PXDNL: variants seen among roughly 807,000 people sequenced by gnomAD.
The protein encoded by PXDNL is probable oxidoreductase PXDNL.
In PXDNL, 145 loss-of-function variants were observed where a neutral mutation model predicts 150.8. The ratio of observed to expected loss-of-function variants is 0.96; its 90% CI spans 0.84 to 1.10. PXDNL has a LOEUF of 1.10. Ranked by LOEUF, PXDNL falls within the 50% of genes least tolerant of loss-of-function variation. PXDNL has a pLI of 0.00. For missense variants in PXDNL, 2,087 were observed against 1,873.9 expected (o/e 1.11, Z -2.10); for synonymous variants, 757 against 725.7 (o/e 1.04, Z -0.69).
intron 21 of PXDNL, among the ~76,000 whole-genome samples, chr8:51,321,613 C>G (rs982792937): frequency 2.6e-5 from 4 of 151,904 alleles, no homozygotes; most frequent in African/African-American, 9.7e-5. Context: ...TGTGGCAGTT[C>G]CTCCCCCATT....
chr8:51,443,028 A>G (rs1398260817), intron 12 of PXDNL, among the ~76,000 whole-genome samples: 1 of 152,154 alleles, frequency 6.6e-6, no homozygotes, highest in African/African-American at 2.4e-5. Context: ...CACGTGGAAT[A>G]ATTAACAACC....
chr8:51,342,623 G>A (rs370980625), intron 20 of PXDNL, among the ~76,000 whole-genome samples: 2 of 152,128 alleles, frequency 1.3e-5, no homozygotes, highest in African/African-American at 4.8e-5. Flanking sequence ...CCCTCTGCCT[G>A]GGAGCAGAGC....
At position 51,409,451 on chromosome 8, in the gene PXDNL, C is replaced by T. The variant is rs369143018; in HGVS notation, c.2173G>A (p.Ala725Thr). The T allele has an allele frequency of 2.4e-5, 39 of 1,612,716 alleles. No individual in the cohort carries two copies. The highest frequency in any genetic ancestry group is 3.3e-4 in the Middle Eastern group (2 of 6,060). Residue 725 changes from alanine to threonine, a missense_variant, in exon 17 of 23, where the codon GCG becomes ACG. Ala to Thr is a moderately conservative substitution (Grantham distance 58, BLOSUM62 0). Transcript: ENST00000356297. ...LPNCSNRCFH[A>T]KYRAHDGTCN... ...GTGCCGTCGTGGGCGCGGTACTTCG[C>T]ATGGAAACACCGGTTGGAGCAGTTT...
intron 8 of PXDNL, among the ~76,000 whole-genome samples, chr8:51,467,102 A>G (rs1457595993): frequency 6.6e-6 from 1 of 152,180 alleles, no homozygotes; most frequent in Non-Finnish European, 1.5e-5. Context: ...TGTTAATTAC[A>G]GCACCGTTAG....
At chr8:51,731,931 G>C (rs1816942053) in intron 1 of PXDNL, among the ~76,000 whole-genome samples, 1 of 152,196 alleles carries the variant, frequency 6.6e-6, no homozygotes. Context: ...TGTGATGGGA[G>C]GGGCTGCTGT....
intron 1 of PXDNL, among the ~76,000 whole-genome samples, chr8:51,734,440 T>C (rs893742594): frequency 2.0e-4 from 30 of 152,226 alleles, no homozygotes; most frequent in Admixed American, 2.6e-4. Context: ...GTGGTTGTGA[T>C]AGTTGGGTTC....
chr8:51,465,389 TC>T (rs1458048230), intron 8 of PXDNL, among the ~76,000 whole-genome samples: 1 of 150,110 alleles, frequency 6.7e-6, no homozygotes, highest in Non-Finnish European at 1.5e-5. Flanking sequence ...AAACTAGGCG[TC>T]AAAGCAACAT....
At chr8:51,530,548 C>T (rs1811876840) in intron 4 of PXDNL, among the ~76,000 whole-genome samples, 1 of 152,206 alleles carries the variant, frequency 6.6e-6, no homozygotes, top group Non-Finnish European at 1.5e-5. Context: ...GCTGCCATGA[C>T]CACCCGGACT....
chr8:51,789,499 A>G (rs1250113556), intron 1 of PXDNL, among the ~76,000 whole-genome samples: 1 of 152,160 alleles, frequency 6.6e-6, no homozygotes, highest in Non-Finnish European at 1.5e-5. Context: ...GGGAGAAAAA[A>G]AGGAAAACCC....
chr8:51,404,880 A>G (rs1316469084), intron 17 of PXDNL, among the ~76,000 whole-genome samples: 3 of 152,146 alleles, frequency 2.0e-5, no homozygotes, highest in African/African-American at 7.2e-5. Context: ...GGGGACGGTG[A>G]TCGTCAGGGA....
chr8:51,654,706 G>C lies in PXDNL; in HGVS notation c.219C>G (p.Leu73=). ...REIPGSAFKK[L]KNLNTLLLNN... is the part of the protein sequence containing the mutation. ...GTACTCACAGTGTGTTCAAATTCTT[G>C]AGTTTCTTGAAGGCGCTCCCTGGAA... The change falls in exon 2 of 23, where the codon CTC becomes CTG. Residue 73 remains leucine, a synonymous_variant. Transcript: ENST00000356297. 6.2e-7 allele frequency: 1 copy of C among 1,613,030 alleles called. No homozygotes were observed. Among genetic ancestry groups the C allele is most frequent in the South Asian group, 1.1e-5 (1 of 91,058 alleles).
rs143544585 is a variant in PXDNL at position 51,607,854 on chromosome 8, GAGGAAGGAAGGAAGGA to G, written c.237-15172_237-15157del. On this transcript the variant is annotated intron_variant, in intron 2 of 22. Transcript: ENST00000356297. ...GACTCCATCTCAAAAAAAAGGAAGA[GAGGAAGGAAGGAAGGA>G]AGGAAGGAAGGAAGGAAGGAAGGAA... is the stretch of plus-strand genomic sequence containing the variant. Among the ~76,000 whole-genome samples, 275 of 72,602 alleles carry G rather than the reference GAGGAAGGAAGGAAGGA, an allele frequency of 3.8e-3. 11 individuals are homozygous for G. The highest frequency in any genetic ancestry group is 0.012 in the African/African-American group (182 of 14,824). The allele number at this position is 72,602 out of a possible 152,430, so 47.6% of individuals were successfully genotyped here. A position where few individuals can be genotyped will look rare whatever the true frequency, so the allele number is the denominator to read the frequency against.
chr8:51,457,668 C>T lies in PXDNL; in HGVS notation c.813-1G>A, dbSNP rs749935842. 3.1e-6 allele frequency: 5 copies of T among 1,610,688 alleles called. No homozygotes were observed. In the East Asian group the frequency reaches 6.7e-5, roughly 22 times the overall value. ...ATCATCTTCCAAATCCAATGAGTGG[C>T]TGGAAATATAGGTTATACATGTATA... On this transcript the variant is annotated splice_acceptor_variant, in intron 8 of 22. Coordinates refer to ENST00000356297, the MANE Select transcript of PXDNL (RefSeq NM_144651.5). LOFTEE classifies it high-confidence loss of function.
chr8:51,356,497 TAA>T (rs11412665), intron 19 of PXDNL, among the ~76,000 whole-genome samples: 10 of 134,678 alleles, frequency 7.4e-5, no homozygotes, highest in Admixed American at 5.9e-4. Context: ...AAAAAAAGAA[TAA>T]AAAAAAAAAA....
At chr8:51,610,164 G>A (rs1813969708) in intron 2 of PXDNL, among the ~76,000 whole-genome samples, 1 of 152,150 alleles carries the variant, frequency 6.6e-6, no homozygotes, top group Admixed American at 6.5e-5. Context: ...TTACCCTAAA[G>A]ACAAATTACA....
chr8:51,603,853 G>T (rs1457570633), intron 2 of PXDNL, among the ~76,000 whole-genome samples: 2 of 152,026 alleles, frequency 1.3e-5, no homozygotes, highest in African/African-American at 4.8e-5. Flanking sequence ...TATTTACCAG[G>T]CAACTCTGTT....
intron 21 of PXDNL, among the ~76,000 whole-genome samples, chr8:51,328,403 T>G (rs1805583577): frequency 6.6e-6 from 1 of 152,192 alleles, no homozygotes; most frequent in African/African-American, 2.4e-5. Flanking sequence ...CCTGAACAAA[T>G]TGAAGAATGC....
rs79220389 is a variant in PXDNL at position 51,412,611 on chromosome 8, A to G, written c.1904+539T>C. ...ACCACTAACTGCAAATACTGAATAT[A>G]TACTTTATCCGATTATGATGAAATC... On this transcript the variant is annotated intron_variant, in intron 15 of 22. Coordinates refer to ENST00000356297, the MANE Select transcript of PXDNL (RefSeq NM_144651.5). 4.1e-4 allele frequency among the ~76,000 whole-genome samples: 62 copies of G among 152,350 alleles called. No individual in the cohort carries two copies. The East Asian group carries it at 0.012, about 28-fold the overall frequency.
chr8:51,799,570 C>T (rs1017808707), intron 1 of PXDNL, among the ~76,000 whole-genome samples: 3 of 152,192 alleles, frequency 2.0e-5, no homozygotes, highest in Non-Finnish European at 2.9e-5. Flanking sequence ...ATAGTCCCTA[C>T]TTGGTGGCTG....
Sources: allele counts gnomAD v4.1 joint callset (sites outside exome capture counted in the v4.1 genomes callset), GRCh38; gene constraint gnomAD v4.1.1; transcripts MANE v1.5; gene names NCBI Gene and HGNC (gene_info 2026-07-23, HGNC 2026-07-21).